The following SELENOW variants were observed in gnomAD, a reference collection of about 807,000 sequenced individuals.
SELENOW encodes selenoprotein W, 1.
A neutral mutation model predicts 16.6 loss-of-function variants in SELENOW; 20 were observed. The ratio of observed to expected loss-of-function variants is 1.21; its 90% CI spans 0.85 to 1.76. The LOEUF (loss-of-function observed/expected upper bound fraction) is 1.76. Among genes scored for constraint, SELENOW ranks in the 40% most tolerant of loss-of-function variants. The pLI, the probability that SELENOW is intolerant of heterozygous loss-of-function variation, is 0.00. For synonymous variants in SELENOW, 44 were observed against 46.2 expected (o/e 0.95, Z 0.19); for missense variants, 124 against 111.0 (o/e 1.12, Z -0.53).
chr19:47,780,442 C>T, intron 1 of SELENOW: 1 of 526,472 alleles, frequency 1.9e-6, no homozygotes, highest in Non-Finnish European at 3.4e-6. Flanking sequence ...CCCCTTTTTC[C>T]CCTCCCCCTT....
chr19:47,781,346 C>G lies in SELENOW; in HGVS notation c.240C>G (p.Ile80Met). ...ESKFLKLVAA[I>M]KAALAQG The stretch of plus-strand genomic sequence containing the variant: ...AGTTTCTGAAGTTGGTGGCCGCCAT[C>G]AAAGCCGCCTTGGCTCAGGGCTAAT... Residue 80 changes from isoleucine to methionine, a missense_variant, in exon 5 of 6, where the codon ATC (isoleucine) becomes ATG (methionine). Ile to Met is a conservative substitution (Grantham distance 10, BLOSUM62 1). Transcript: ENST00000601048. 3 of 1,608,144 alleles carry G rather than the reference C, an allele frequency of 1.9e-6. No homozygotes were observed. The highest frequency in any genetic ancestry group is 2.5e-6 in the Non-Finnish European group (3 of 1,177,048).
At position 47,781,288 on chromosome 19, in the gene SELENOW, A is replaced by G. The variant is rs1967473527; in HGVS notation, c.184-2A>G. The G allele has an allele frequency of 6.2e-7, 1 of 1,613,158 alleles. No homozygotes were observed. The highest frequency in any genetic ancestry group is 1.7e-5 in the Admixed American group (1 of 59,958). On this transcript the variant is annotated splice_acceptor_variant, in intron 4 of 5. Coordinates refer to ENST00000601048, the MANE Select transcript of SELENOW (RefSeq NM_003009.4). LOFTEE classifies it high-confidence loss of function. ...CCCCTTCCCTCTTCCTCCCCTCCCT[A>G]GAAAGGCGATGGCTACGTGGACACA...
intron 5 of SELENOW, 78 bp downstream of exon 5, chr19:47,781,466 T>G: frequency 1.2e-6 from 1 of 813,498 alleles, no homozygotes; most frequent in Non-Finnish European, 2.0e-6. Flanking sequence ...TGGCCCAGGG[T>G]GGAGAGCCTG....
At chr19:47,784,037 C>T (rs906541323) in intron 5 of SELENOW, 2 of 152,226 alleles carry the variant, frequency 1.3e-5, no homozygotes, top group African/African-American at 4.8e-5. Context: ...GCTGGGACTA[C>T]AGTTGTGCAC....
At position 47,780,902 on chromosome 19, in the gene SELENOW, C is replaced by T. The variant is rs369234130; in HGVS notation, c.93C>T (p.Pro31=). ...QLKKKLEDEF[P]GRLDICGEGT... is the part of the protein sequence containing the mutation. ...AGAAGAAGTTAGAAGATGAGTTCCC[C>T]GGCCGCCTGGACATCGTGAGTCTTG... Residue 31 remains proline (P), a synonymous_variant, in exon 3 of 6, where the codon CCC becomes CCT. Coordinates refer to ENST00000601048, the MANE Select transcript of SELENOW (RefSeq NM_003009.4). 3.8e-5 allele frequency: 62 copies of T among 1,613,286 alleles called. No individual in the cohort carries two copies. The highest frequency in any genetic ancestry group is 1.9e-4 in the African/African-American group (14 of 74,978).
chr19:47,778,735 G>A lies in SELENOW; in HGVS notation c.-51G>A, dbSNP rs538447572. On this transcript the variant is annotated 5_prime_UTR_variant, in exon 1 of 6. Coordinates refer to ENST00000601048, the MANE Select transcript of SELENOW (RefSeq NM_003009.4). ...CAGACCTAGCGCGTCCAGGTGGGAGGTTAGTGTGGCCCGGGCGTCCGCTCC... is the reference window on the plus strand; with the variant it reads ...CAGACCTAGCGCGTCCAGGTGGGAGATTAGTGTGGCCCGGGCGTCCGCTCC... 61 of 1,580,020 alleles carry A rather than the reference G, an allele frequency of 3.9e-5. No individual in the cohort carries two copies. The highest frequency in any genetic ancestry group is 4.8e-5 in the Non-Finnish European group (56 of 1,163,694).
At chr19:47,783,295 G>A (rs1366980769) in intron 5 of SELENOW, 6 of 151,958 alleles carry the variant, frequency 3.9e-5, no homozygotes, top group African/African-American at 1.5e-4. Context: ...CCGCCTCCCG[G>A]GTTCACGCCA....
rs1056127272 is a variant in SELENOW at position 47,784,527 on chromosome 19, A to G, written c.*256A>G. On this transcript the variant is annotated 3_prime_UTR_variant, in exon 6 of 6. Transcript: ENST00000601048. Reference sequence around the variant, plus strand: ...TTCATCATATCTCTTTGCATACCCCATGTCTTCCCCAGTTGTCCCCTGGAG... The same window carrying G: ...TTCATCATATCTCTTTGCATACCCCGTGTCTTCCCCAGTTGTCCCCTGGAG... 7.9e-5 allele frequency: 12 copies of G among 151,878 alleles called. No individual in the cohort carries two copies. Among genetic ancestry groups the G allele is most frequent in the African/African-American group, 2.9e-4 (12 of 41,294 alleles). The allele number at this position is 151,878 out of a possible 1,614,324, so 9.4% of individuals were successfully genotyped here.
intron 5 of SELENOW, chr19:47,783,781 C>T (rs888355883): frequency 1.3e-5 from 2 of 152,314 alleles, no homozygotes; most frequent in Non-Finnish European, 2.9e-5. Context: ...CAAAGCAAAT[C>T]CCTCTAACAT....
intron 5 of SELENOW, 94 bp downstream of exon 5, chr19:47,781,482 TGGG>T (rs1315237041): frequency 6.9e-6 from 5 of 724,400 alleles, no homozygotes; most frequent in Non-Finnish European, 1.2e-5. Flanking sequence ...GCCTGGGAGA[TGGG>T]GGGGACATCA....
Position 47,781,127 on chromosome 19 carries a change from A to T in SELENOW, c.128A>T (p.Gln43Leu). ...RLDICGEGTP[Q>L]ATGFFEVMVA... ...CCTCAGTGCGGCGAGGGAACTCCCCAGGCCACCGGGTTCTTTGAAGTGATG... is the reference window on the plus strand; with the variant it reads ...CCTCAGTGCGGCGAGGGAACTCCCCTGGCCACCGGGTTCTTTGAAGTGATG... Residue 43 changes from glutamine (Q) to leucine (L), a missense_variant, in exon 4 of 6, where the codon CAG becomes CTG. Transcript: ENST00000601048. The T allele has an allele frequency of 1.2e-6, 2 of 1,613,680 alleles. No individual in the cohort carries two copies. Among genetic ancestry groups the T allele is most frequent in the East Asian group, 4.5e-5 (2 of 44,830 alleles).
At chr19:47,782,664 C>G (rs1040842678) in intron 5 of SELENOW, 3 of 152,050 alleles carry the variant, frequency 2.0e-5, no homozygotes, top group Admixed American at 2.0e-4. Flanking sequence ...TGTCAGCCTC[C>G]CAAGTAGCTG....
At position 47,783,868 on chromosome 19, in the gene SELENOW, G is replaced by A. The variant is rs79063566; in HGVS notation, c.*19-422G>A. The A allele has an allele frequency of 2.2e-3, 328 of 152,132 alleles. 3 individuals carry two copies. Among genetic ancestry groups the A allele is most frequent in the East Asian group, 0.021 (109 of 5,172 alleles). The allele number at this position is 152,132 out of a possible 1,614,324, so 9.4% of individuals were successfully genotyped here. A position where few individuals can be genotyped will look rare whatever the true frequency, so the allele number is the denominator to read the frequency against. ...GCATTGTGGACTGTTGCTGTTGAGCGTGGGGTGGGGTGCCACCATGCAGGC... is the reference window on the plus strand; with the variant it reads ...GCATTGTGGACTGTTGCTGTTGAGCATGGGGTGGGGTGCCACCATGCAGGC... On this transcript the variant is annotated intron_variant, in intron 5 of 5. Transcript: ENST00000601048.
chr19:47,782,994 A>T (rs1208350811), intron 5 of SELENOW: 1 of 152,080 alleles, frequency 6.6e-6, no homozygotes, highest in Non-Finnish European at 1.5e-5. Flanking sequence ...CCCATTCTAG[A>T]ACAGTTACTA....
At chr19:47,780,273 C>T (rs772063563) in intron 1 of SELENOW, 2 of 366,960 alleles carry the variant, frequency 5.5e-6, no homozygotes, top group South Asian at 3.9e-5. Context: ...ATCCAGGAGC[C>T]GCAGGGTTTT....
At position 47,780,760 on chromosome 19, in the gene SELENOW, T is replaced by C. The variant is rs767531982; in HGVS notation, c.54+11T>C. 6 of 1,543,920 alleles carry C rather than the reference T, an allele frequency of 3.9e-6. No homozygotes were observed. Among genetic ancestry groups the C allele is most frequent in the Non-Finnish European group, 5.3e-6 (6 of 1,142,208 alleles). ...GGCTACAAGTCCAAGGTAAGCAGAG[T>C]GGATGCCCGGGGGGCATTCCTGGGA... On this transcript the variant is annotated intron_variant, in intron 2 of 5. Coordinates refer to ENST00000601048, the MANE Select transcript of SELENOW (RefSeq NM_003009.4).
rs752733974 is a variant in SELENOW at position 47,780,768 on chromosome 19, C to A, written c.54+19C>A. The A allele has an allele frequency of 7.0e-6, 11 of 1,573,526 alleles. No homozygotes were observed. The South Asian group carries it at 1.2e-4, about 17-fold the overall frequency. On this transcript the variant is annotated intron_variant, in intron 2 of 5. Coordinates refer to ENST00000601048, the MANE Select transcript of SELENOW (RefSeq NM_003009.4). ...GTCCAAGGTAAGCAGAGTGGATGCCCGGGGGGCATTCCTGGGAGCTGGGGA... is the reference window on the plus strand; with the variant it reads ...GTCCAAGGTAAGCAGAGTGGATGCCAGGGGGGCATTCCTGGGAGCTGGGGA...
chr19:47,781,269 C>T, intron 4 of SELENOW, 21 bp from the exon 5 acceptor site: 1 of 1,608,586 alleles, frequency 6.2e-7, no homozygotes, highest in Non-Finnish European at 8.5e-7. Flanking sequence ...CTCACCCCTT[C>T]CCTCTTCCTC....
At position 47,780,479 on chromosome 19, in the gene SELENOW, T is replaced by A. The variant is rs1967460321; in HGVS notation, c.30-246T>A. On this transcript the variant is annotated intron_variant, in intron 1 of 5. Transcript: ENST00000601048. ...TCTGTCTCTTGCTTGGTGTTGGTTT[T>A]CTGTGTGTCTCTGTGTGTCCCCGCG... 7.1e-6 allele frequency: 4 copies of A among 565,960 alleles called. No homozygotes were observed. The Admixed American group carries it at 1.2e-4, about 17-fold the overall frequency. 35.1% of individuals were successfully genotyped at this position (565,960 alleles called of 1,614,324 possible). A position where few individuals can be genotyped will look rare whatever the true frequency, so the allele number is the denominator to read the frequency against.
Sources: gnomAD v4.1 joint callset for allele counts on GRCh38, gnomAD v4.1.1 for gene constraint, MANE v1.5 for transcripts, NCBI Gene and HGNC (gene_info 2026-07-23, HGNC 2026-07-21) for gene names.